Variants in ITGAV observed in about 807,000 individuals in gnomAD.
The protein encoded by ITGAV is integrin subunit alpha V, also known as integrin alpha-V.
Under a neutral mutation model 143.8 loss-of-function variants are expected in ITGAV, and 76 were observed. The ratio of observed to expected loss-of-function variants is 0.53; its 90% CI spans 0.44 to 0.64. The LOEUF (loss-of-function observed/expected upper bound fraction) is 0.64. Ranked by LOEUF, ITGAV falls within the 30% of genes least tolerant of loss-of-function variation. ITGAV has a pLI of 0.00. For missense variants in ITGAV, 1,193 were observed against 1,274.7 expected (o/e 0.94, Z 0.98); for synonymous variants, 453 against 446.7 (o/e 1.01, Z -0.18).
In ITGAV at chr2:186,636,157, A is replaced by C. The variant is rs764832885; in HGVS notation, c.707A>C (p.Asn236Thr). Residue 236 changes from asparagine (N) to threonine (T), a missense_variant, in exon 7 of 30, where the codon AAC becomes ACC. Asn to Thr is a moderately conservative substitution (Grantham distance 65, BLOSUM62 0). Coordinates refer to ENST00000261023, the MANE Select transcript of ITGAV (RefSeq NM_002210.5). Reference protein sequence around the residue: ...DPNVYSIKYNNQLATRTAQAI... With the variant: ...DPNVYSIKYNTQLATRTAQAI... ...AATGTTTACAGCATCAAGTATAATA[A>C]CCAATTAGCAACTCGGACTGCACAA... The C allele has an allele frequency of 3.1e-6, 5 of 1,613,104 alleles. No individual in the cohort carries two copies. The highest frequency in any genetic ancestry group is 4.2e-6 in the Non-Finnish European group (5 of 1,179,622).
chr2:186,652,115 T>A, intron 15 of ITGAV, 26 bp downstream of exon 15: 1 of 1,335,122 alleles, frequency 7.5e-7, no homozygotes, highest in Non-Finnish European at 1.1e-6. Flanking sequence ...TAATAATAGT[T>A]ATTATTGTGA....
intron 2 of ITGAV, among the ~76,000 whole-genome samples, chr2:186,604,147 C>CAG (rs1298450106): frequency 6.6e-6 from 1 of 151,950 alleles, no homozygotes; most frequent in African/African-American, 2.4e-5. Context: ...CCTGAGACTA[C>CAG]AGGTTTGGCC....
chr2:186,631,666 C>T (rs1212554607), intron 5 of ITGAV, among the ~76,000 whole-genome samples: 1 of 152,090 alleles, frequency 6.6e-6, no homozygotes, highest in Non-Finnish European at 1.5e-5. Context: ...AGAGGAGTGC[C>T]TTAAATGTAT....
rs1441759622 is a variant in ITGAV at position 186,680,496 on chromosome 2, G to C, written c.*3204G>C. The stretch of plus-strand genomic sequence containing the variant: ...CAATATAACAATGTAACCAAATCTA[G>C]ATAATTTCAAAGTTGTCATTAATTT... On this transcript the variant is annotated 3_prime_UTR_variant, in exon 30 of 30. Coordinates refer to ENST00000261023, the MANE Select transcript of ITGAV (RefSeq NM_002210.5). 2 of 152,416 alleles carry C rather than the reference G, an allele frequency of 1.3e-5. No individual in the cohort carries two copies. The highest frequency in any genetic ancestry group is 4.8e-5 in the African/African-American group (2 of 41,412). 9.4% of individuals were successfully genotyped at this position (152,416 alleles called of 1,614,324 possible).
chr2:186,637,736 A>T (rs1336346040), intron 8 of ITGAV, among the ~76,000 whole-genome samples: 2 of 152,152 alleles, frequency 1.3e-5, no homozygotes, highest in African/African-American at 2.4e-5. Flanking sequence ...GTCTTCAGCA[A>T]ATTCATTCCT....
At chr2:186,652,204 A>G in intron 15 of ITGAV, 115 bp downstream of exon 15, 1 of 671,618 alleles carries the variant, frequency 1.5e-6, no homozygotes, top group Non-Finnish European at 2.6e-6. Context: ...TTCTGTGAGT[A>G]TACTGTTTTT....
Position 186,656,298 on chromosome 2 carries a change from G to A in ITGAV, c.1616G>A (p.Arg539Gln), listed in dbSNP as rs771409986. 1.0e-5 allele frequency: 16 copies of A among 1,586,240 alleles called. No homozygotes were observed. Among genetic ancestry groups the A allele is most frequent in the East Asian group, 2.4e-5 (1 of 42,300 alleles). ...AAACTCAAGCAAAAGGGAGCAATTC[G>A]ACGAGCACTGTTTCTCTACAGCAGG... is the stretch of plus-strand genomic sequence containing the variant. ...LDKLKQKGAI[R>Q]RALFLYSRSP... Residue 539 changes from arginine (R) to glutamine (Q), a missense_variant, in exon 17 of 30, where the codon CGA (arginine) becomes CAA (glutamine). By Grantham distance (43) the Arg-to-Gln change is conservative. Transcript: ENST00000261023.
At chr2:186,630,485 GTTGTGATATAA>G (rs1424172497) in intron 4 of ITGAV, among the ~76,000 whole-genome samples, 1 of 151,946 alleles carries the variant, frequency 6.6e-6, no homozygotes, top group Admixed American at 6.6e-5. Context: ...TGGGTGTTGG[GTTGTGATATAA>G]ATTATAATCT....
At chr2:186,639,214 G>T (rs1688037002) in intron 10 of ITGAV, among the ~76,000 whole-genome samples, 1 of 152,146 alleles carries the variant, frequency 6.6e-6, no homozygotes, top group Non-Finnish European at 1.5e-5. Context: ...ATGTCTCAAA[G>T]AATTATACCA....
At position 186,677,513 on chromosome 2, in the gene ITGAV, AAAT is replaced by A. The variant is rs1342756671; in HGVS notation, c.*227_*229del. ...GGGTGACTTGTGTTTTTAGGTATTTAAATAATAAAATTTCAAGGGATAGTTTTT... is the reference window on the plus strand; with the variant it reads ...GGGTGACTTGTGTTTTTAGGTATTTAAATAAAATTTCAAGGGATAGTTTTT... On this transcript the variant is annotated 3_prime_UTR_variant, in exon 30 of 30. Coordinates refer to ENST00000261023, the MANE Select transcript of ITGAV (RefSeq NM_002210.5). The A allele has an allele frequency of 2.3e-6, 1 of 430,268 alleles. No homozygotes were observed. Among genetic ancestry groups the A allele is most frequent in the Non-Finnish European group, 4.2e-6 (1 of 237,948 alleles). The allele number at this position is 430,268 out of a possible 1,614,324, so 26.7% of individuals were successfully genotyped here. A position where few individuals can be genotyped will look rare whatever the true frequency, so the allele number is the denominator to read the frequency against.
intron 21 of ITGAV, among the ~76,000 whole-genome samples, chr2:186,666,342 C>A (rs778887715): frequency 7.2e-5 from 11 of 152,124 alleles, no homozygotes; most frequent in South Asian, 2.1e-4. Flanking sequence ...TCTTTCCTGG[C>A]CTATGAACAC....
chr2:186,616,022 A>G (rs1687347841), intron 2 of ITGAV, among the ~76,000 whole-genome samples: 1 of 151,962 alleles, frequency 6.6e-6, no homozygotes, highest in Admixed American at 6.6e-5. Flanking sequence ...GCATATGGGT[A>G]TCTAGTTGTC....
intron 10 of ITGAV, 123 bp downstream of exon 10, chr2:186,638,588 A>G (rs1033960556): frequency 1.4e-6 from 1 of 700,852 alleles, no homozygotes; most frequent in African/African-American, 1.9e-5. Flanking sequence ...AATTCTTCCA[A>G]CTCTTACCAT....
chr2:186,656,014 G>C (rs1688572109), intron 16 of ITGAV, among the ~76,000 whole-genome samples: 1 of 151,472 alleles, frequency 6.6e-6, no homozygotes, highest in East Asian at 1.9e-4. Flanking sequence ...ATTTTTTTGG[G>C]AATTATTTAT....
At chr2:186,594,189 G>T (rs1054949593) in intron 1 of ITGAV, among the ~76,000 whole-genome samples, 2 of 152,026 alleles carry the variant, frequency 1.3e-5, no homozygotes, top group African/African-American at 4.8e-5. Context: ...TATTCCAGTG[G>T]CCTGGCCTGT....
chr2:186,630,228 C>G (rs1314443166), intron 4 of ITGAV, among the ~76,000 whole-genome samples: 1 of 151,858 alleles, frequency 6.6e-6, no homozygotes, highest in Non-Finnish European at 1.5e-5. Context: ...TAACAAAGGT[C>G]TTAGCGAAGA....
rs779922787 is a variant in ITGAV, at chr2:186,663,785, C to T, written c.1875C>T (p.Asp625=). ...NISRQAHILL[D]CGEDNVCKPK... ...TTTTCTAGGCTCACATTCTACTTGACTGTGGTGAAGACAATGTCTGTAAAC... is the reference window on the plus strand; with the variant it reads ...TTTTCTAGGCTCACATTCTACTTGATTGTGGTGAAGACAATGTCTGTAAAC... The change falls in exon 19 of 30, where the codon GAC becomes GAT. Residue 625 remains aspartate, a synonymous_variant. Coordinates refer to ENST00000261023, the MANE Select transcript of ITGAV (RefSeq NM_002210.5). The T allele has an allele frequency of 6.2e-7, 1 of 1,612,168 alleles. No homozygotes were observed. Among genetic ancestry groups the T allele is most frequent in the Non-Finnish European group, 8.5e-7 (1 of 1,178,608 alleles).
At chr2:186,641,154 TC>T (rs1280216936) in intron 11 of ITGAV, among the ~76,000 whole-genome samples, 187 bp downstream of exon 11, 3 of 152,216 alleles carry the variant, frequency 2.0e-5, no homozygotes, top group Non-Finnish European at 4.4e-5. Context: ...CTGTTTTTTT[TC>T]AGTAGCTTTT....
chr2:186,631,106 C>T (rs1687804306), intron 5 of ITGAV, among the ~76,000 whole-genome samples: 1 of 152,136 alleles, frequency 6.6e-6, no homozygotes, highest in Non-Finnish European at 1.5e-5. Context: ...AGACACTCTC[C>T]TCAGTAAATG....
Sources: allele counts gnomAD v4.1 joint callset (sites outside exome capture counted in the v4.1 genomes callset), GRCh38; gene constraint gnomAD v4.1.1; transcripts MANE v1.5; gene names NCBI Gene and HGNC (gene_info 2026-07-23, HGNC 2026-07-21).